KCNB2: variants seen among roughly 807,000 people sequenced by gnomAD.
The protein encoded by KCNB2 is delayed rectifier potassium channel protein.
In KCNB2, 15 loss-of-function variants were observed where a neutral mutation model predicts 61.5. The observed-to-expected ratio is 0.24, with a 90% CI of 0.16 to 0.38. KCNB2 has a LOEUF of 0.38. Among genes scored for constraint, KCNB2 ranks in the 10% least tolerant of loss-of-function variants. KCNB2 has a pLI of 1.00. For missense variants in KCNB2, 828 were observed against 1,125.2 expected, an observed-to-expected ratio of 0.74 and a Z score of 3.78; for synonymous variants, 457 against 446.0, an observed-to-expected ratio of 1.02 and a Z score of -0.31.
At chr8:72,659,822 AT>A (rs1806350484) in intron 2 of KCNB2, among the ~76,000 whole-genome samples, 2 of 152,154 alleles carry the variant, frequency 1.3e-5, no homozygotes, top group African/African-American at 4.8e-5. Context: ...AGGCTTGTAC[AT>A]TTTTTATTAG....
rs74391657 is a variant in KCNB2 at position 72,862,948 on chromosome 8, C to G, written c.580-72987C>G. On this transcript the variant is annotated intron_variant, in intron 2 of 2. Transcript: ENST00000523207. ...ACTAAAGTTCGGAGACATTAAGCCA[C>G]CCAACCAAAGTTACAAAGATGGTTA... Among the ~76,000 whole-genome samples the G allele has an allele frequency of 2.8e-3, 430 of 152,276 alleles. 6 individuals are homozygous for G. In the East Asian group the frequency reaches 0.04, roughly 14 times the overall value.
chr8:72,843,979 A>T (rs541793058), intron 2 of KCNB2, among the ~76,000 whole-genome samples: 45 of 152,318 alleles, frequency 3.0e-4, no homozygotes, highest in Non-Finnish European at 5.6e-4. Flanking sequence ...TCTTGTCATT[A>T]TGATGCTAGC....
intron 2 of KCNB2, among the ~76,000 whole-genome samples, chr8:72,855,329 G>A (rs1264730315): frequency 6.6e-6 from 1 of 152,118 alleles, no homozygotes; most frequent in Non-Finnish European, 1.5e-5. Flanking sequence ...ATTTTTTCCT[G>A]TATCATTAAA....
intron 1 of KCNB2, among the ~76,000 whole-genome samples, chr8:72,554,238 A>G (rs919607722): frequency 6.6e-6 from 1 of 152,086 alleles, no homozygotes; most frequent in South Asian, 2.1e-4. Context: ...ACTTTACCCA[A>G]TTTTGCATCA....
At chr8:72,781,075 T>A (rs1808745271) in intron 2 of KCNB2, among the ~76,000 whole-genome samples, 1 of 152,186 alleles carries the variant, frequency 6.6e-6, no homozygotes, top group Non-Finnish European at 1.5e-5. Flanking sequence ...GGGTTGTTTT[T>A]TTCTTCTAAA....
intron 2 of KCNB2, among the ~76,000 whole-genome samples, chr8:72,882,916 A>G (rs1805741595): frequency 6.6e-6 from 1 of 152,164 alleles, no homozygotes; most frequent in Admixed American, 6.5e-5. Flanking sequence ...ACACAGCCTC[A>G]TTTCCATGTG....
intron 2 of KCNB2, among the ~76,000 whole-genome samples, chr8:72,926,304 T>G (rs1324003125): frequency 2.0e-5 from 3 of 152,242 alleles, no homozygotes; most frequent in East Asian, 1.9e-4. Flanking sequence ...CCTAAAGTTC[T>G]TATTAGAATA....
chr8:72,804,905 C>G (rs1809192552), intron 2 of KCNB2, among the ~76,000 whole-genome samples: 1 of 152,192 alleles, frequency 6.6e-6, no homozygotes, highest in South Asian at 2.1e-4. Flanking sequence ...CTGGACCCCA[C>G]AGGTTTCACA....
chr8:72,923,015 A>C (rs1012953009), intron 2 of KCNB2, among the ~76,000 whole-genome samples: 1 of 106,408 alleles, frequency 9.4e-6, no homozygotes, highest in African/African-American at 3.6e-5. Context: ...CAACTCAGGC[A>C]GTGGGGGTTG....
At chr8:72,561,712 T>TAC (rs1413793595) in intron 1 of KCNB2, among the ~76,000 whole-genome samples, 2 of 23,086 alleles carry the variant, frequency 8.7e-5, no homozygotes, top group African/African-American at 3.7e-4. Context: ...TATATATATA[T>TAC]ATATATATAT....
intron 2 of KCNB2, among the ~76,000 whole-genome samples, chr8:72,643,102 C>T (rs777040475): frequency 1.3e-5 from 2 of 152,158 alleles, no homozygotes; most frequent in African/African-American, 2.4e-5. Flanking sequence ...AGTATGCTCT[C>T]ATGGTGTTCC....
chr8:72,681,237 AAGAATAGAAAAAAGACAGCTTT>A (rs1806745182), intron 2 of KCNB2, among the ~76,000 whole-genome samples: 1 of 152,356 alleles, frequency 6.6e-6, no homozygotes, highest in East Asian at 1.9e-4. Context: ...TAAAAATTTT[AAGAATAGAAAAAAGACAGCTTT>A]AGAATAGAAA....
Position 72,713,436 on chromosome 8 carries a change from C to T in KCNB2, c.579+145123C>T, listed in dbSNP as rs903366976. On this transcript the variant is annotated intron_variant, in intron 2 of 2. Coordinates refer to ENST00000523207, the MANE Select transcript of KCNB2 (RefSeq NM_004770.3). The stretch of plus-strand genomic sequence containing the variant: ...ACTAGGGGCCAACTGACACCTCACA[C>T]GGCCAGGTACTCCTCTGAGACAAAA... Among the ~76,000 whole-genome samples the T allele has an allele frequency of 4.1e-4, 63 of 152,208 alleles. 1 individual carries two copies. The highest frequency in any genetic ancestry group is 7.2e-4 in the Admixed American group (11 of 15,286).
chr8:72,567,489 T>TC (rs1806641816), intron 1 of KCNB2, among the ~76,000 whole-genome samples, 153 bp from the exon 2 acceptor site: 2 of 152,178 alleles, frequency 1.3e-5, no homozygotes, highest in Non-Finnish European at 2.9e-5. Context: ...CAAAGACACA[T>TC]ATCTCCAAAA....
chr8:72,586,672 A>G (rs1236194948), intron 2 of KCNB2, among the ~76,000 whole-genome samples: 2 of 152,216 alleles, frequency 1.3e-5, no homozygotes, highest in Admixed American at 1.3e-4. Context: ...TTGAGGATGA[A>G]AAACTAAAGC....
chr8:72,760,744 A>G (rs913436982), intron 2 of KCNB2, among the ~76,000 whole-genome samples: 1 of 152,178 alleles, frequency 6.6e-6, no homozygotes, highest in Non-Finnish European at 1.5e-5. Context: ...ACCTACTAAG[A>G]TTGACTTGGT....
intron 2 of KCNB2, among the ~76,000 whole-genome samples, chr8:72,832,360 G>A (rs1055244147): frequency 6.6e-6 from 1 of 152,152 alleles, no homozygotes; most frequent in African/African-American, 2.4e-5. Flanking sequence ...CCTGAACTTA[G>A]TAATTAGAAA....
chr8:72,842,089 GAT>G (rs1272474863), intron 2 of KCNB2, among the ~76,000 whole-genome samples: 1 of 144,688 alleles, frequency 6.9e-6, no homozygotes, highest in African/African-American at 2.6e-5. Context: ...TTATTATTTT[GAT>G]ATATGTTTCA....
chr8:72,827,882 G>A (rs1248606880), intron 2 of KCNB2, among the ~76,000 whole-genome samples: 2 of 151,324 alleles, frequency 1.3e-5, no homozygotes, highest in African/African-American at 4.9e-5. Context: ...GCGTGATCAC[G>A]GCTCACTGCA....
Sources: gnomAD v4.1 joint callset for allele counts (sites outside exome capture counted in the v4.1 genomes callset) on GRCh38, gnomAD v4.1.1 for gene constraint, MANE v1.5 for transcripts, NCBI Gene and HGNC (gene_info 2026-07-23, HGNC 2026-07-21) for gene names.